The following CHD9 variants were observed in gnomAD, a reference collection of about 807,000 sequenced individuals.
CHD9 encodes chromodomain helicase DNA binding protein 9, also known as ATP-dependent chromatin remodeler CHD9.
Under a neutral mutation model 316.1 loss-of-function variants are expected in CHD9, and 77 were observed. The observed-to-expected ratio is 0.24, with a 90% CI of 0.20 to 0.29. The LOEUF is 0.29. CHD9 is among the 10% of genes least tolerant of loss of function. The probability of loss-of-function intolerance (pLI) is 1.00; values close to 1 mark genes in which losing one functional copy is unlikely to be tolerated. For synonymous variants in CHD9, 1,129 were observed against 1,158.3 expected, an observed-to-expected ratio of 0.97 and a Z score of 0.51; for missense variants, 2,763 against 3,438.1, an observed-to-expected ratio of 0.80 and a Z score of 4.91.
At chr16:53,088,945 C>G (rs1008592154) in intron 1 of CHD9, among the ~76,000 whole-genome samples, 1 of 151,906 alleles carries the variant, frequency 6.6e-6, no homozygotes, top group Non-Finnish European at 1.5e-5. Context: ...AACCCCATCT[C>G]TACTAAAAAT....
chr16:53,151,389 G>A (rs1160345424), intron 1 of CHD9, among the ~76,000 whole-genome samples: 5 of 151,942 alleles, frequency 3.3e-5, no homozygotes, highest in Admixed American at 3.3e-4. Context: ...AAGTAGCTGG[G>A]ATTACAGGCG....
intron 1 of CHD9, among the ~76,000 whole-genome samples, chr16:53,101,273 CTTTTTTTTTT>C (rs1012377760): frequency 2.4e-5 from 3 of 124,856 alleles, no homozygotes; most frequent in Non-Finnish European, 5.0e-5. Flanking sequence ...TTTTCCTTTT[CTTTTTTTTTT>C]TTTTTTTTTG....
intron 11 of CHD9, among the ~76,000 whole-genome samples, chr16:53,236,201 TC>T (rs1370343093): frequency 6.6e-6 from 1 of 152,120 alleles, no homozygotes; most frequent in Non-Finnish European, 1.5e-5. Flanking sequence ...CAGTACCCTT[TC>T]CCATCTCCTA....
intron 30 of CHD9, among the ~76,000 whole-genome samples, chr16:53,302,704 A>G (rs1376293642): frequency 1.3e-5 from 2 of 152,148 alleles, no homozygotes; most frequent in Non-Finnish European, 2.9e-5. Flanking sequence ...TCAGTTATTT[A>G]TTCATATCAG....
At chr16:53,160,767 C>T (rs1180257629) in intron 2 of CHD9, among the ~76,000 whole-genome samples, 7 of 152,080 alleles carry the variant, frequency 4.6e-5, no homozygotes, top group South Asian at 2.1e-4. Flanking sequence ...ATTAGCTGGG[C>T]GTGGTGGCCC....
At chr16:53,215,185 G>A (rs2046649025) in intron 3 of CHD9, among the ~76,000 whole-genome samples, 3 of 152,098 alleles carry the variant, frequency 2.0e-5, no homozygotes, top group Non-Finnish European at 4.4e-5. Context: ...CAAAGTGCTG[G>A]GATTACAGGC....
At chr16:53,203,860 A>G (rs1045804873) in intron 2 of CHD9, among the ~76,000 whole-genome samples, 1 of 151,348 alleles carries the variant, frequency 6.6e-6, no homozygotes, top group African/African-American at 2.4e-5. Context: ...CGTCTCTACT[A>G]AAAATACAAA....
chr16:53,060,911 ATGT>A (rs2032803840), intron 1 of CHD9, among the ~76,000 whole-genome samples: 2 of 141,350 alleles, frequency 1.4e-5, no homozygotes, highest in Non-Finnish European at 3.0e-5. Flanking sequence ...ACAGGGCAAG[ATGT>A]TGTCTCTTTT....
At chr16:53,104,412 G>C (rs1055043261) in intron 1 of CHD9, among the ~76,000 whole-genome samples, 4 of 152,248 alleles carry the variant, frequency 2.6e-5, no homozygotes. Context: ...ACAGCCCCTA[G>C]CTGAAAGCAC....
At chr16:53,122,021 A>T (rs1286821067) in intron 1 of CHD9, 1 of 152,216 alleles carries the variant, frequency 6.6e-6, no homozygotes, top group Non-Finnish European at 1.5e-5. Flanking sequence ...TGGAGCATAA[A>T]ACATTTAAGT....
rs1180238876 is a variant in CHD9, at chr16:53,238,649, C to G, written c.2877+63C>G. On this transcript the variant is annotated intron_variant, in intron 12 of 38. Transcript: ENST00000447540. ...CAGGGCTGAAAAAGATAAGCATTAC[C>G]TACCAATTATTTTCAAATTTAGGAT... 2.0e-6 allele frequency: 3 copies of G among 1,504,416 alleles called. No homozygotes were observed. In the East Asian group the frequency reaches 6.8e-5, roughly 34 times the overall value. The allele number at this position is 1,504,416 out of a possible 1,614,324, so 93.2% of individuals were successfully genotyped here. A position where few individuals can be genotyped will look rare whatever the true frequency, so the allele number is the denominator to read the frequency against.
At chr16:53,211,956 A>G (rs2046366395) in intron 3 of CHD9, among the ~76,000 whole-genome samples, 3 of 152,202 alleles carry the variant, frequency 2.0e-5, no homozygotes. Context: ...CATCATTTCA[A>G]CTAGCACCAT....
intron 34 of CHD9, among the ~76,000 whole-genome samples, chr16:53,310,477 A>C (rs9788952): frequency 1.3e-5 from 2 of 152,110 alleles, no homozygotes; most frequent in African/African-American, 4.8e-5. Context: ...TGAACATTTT[A>C]TTGCTGTTGC....
chr16:53,128,355 T>C (rs913703341), intron 1 of CHD9, among the ~76,000 whole-genome samples: 1 of 152,100 alleles, frequency 6.6e-6, no homozygotes, highest in African/African-American at 2.4e-5. Context: ...GCTAATGTTG[T>C]ATTTTTAGTA....
chr16:53,076,198 G>C (rs2034508554), intron 1 of CHD9, among the ~76,000 whole-genome samples: 1 of 151,922 alleles, frequency 6.6e-6, no homozygotes, highest in Non-Finnish European at 1.5e-5. Context: ...TTCTATTTCT[G>C]GGTTGTCTTT....
At chr16:53,215,625 A>G (rs1430379785) in intron 3 of CHD9, among the ~76,000 whole-genome samples, 1 of 152,162 alleles carries the variant, frequency 6.6e-6, no homozygotes, top group African/African-American at 2.4e-5. Flanking sequence ...ATGTGACATT[A>G]TATTTTTGCC....
In CHD9 at chr16:53,156,474, A is replaced by G. The variant is rs369446814; in HGVS notation, c.385A>G (p.Thr129Ala). 1.9e-5 allele frequency: 31 copies of G among 1,613,866 alleles called. No homozygotes were observed. Among genetic ancestry groups the G allele is most frequent in the Non-Finnish European group, 2.6e-5 (31 of 1,179,888 alleles). Residue 129 changes from threonine to alanine, a missense_variant, in exon 2 of 39, where the codon ACA becomes GCA. Physicochemically the swap from Thr to Ala is moderately conservative, Grantham distance 58 (BLOSUM62 0). Transcript: ENST00000447540. ...TGGCAGTCCAATGTGGGGCCATCAG[A>G]CAGCTACTACCATTTCAAATCAAAA... is the stretch of plus-strand genomic sequence containing the variant. ...SDGSPMWGHQ[T>A]ATTISNQNGS...
At chr16:53,079,828 C>T (rs1339350585) in intron 1 of CHD9, among the ~76,000 whole-genome samples, 2 of 152,196 alleles carry the variant, frequency 1.3e-5, no homozygotes, top group Non-Finnish European at 2.9e-5. Context: ...AGCATGGAAG[C>T]TCTGTCTAGC....
chr16:53,113,053 G>A (rs2037990481), intron 1 of CHD9, among the ~76,000 whole-genome samples: 1 of 152,068 alleles, frequency 6.6e-6, no homozygotes, highest in African/African-American at 2.4e-5. Flanking sequence ...GCTTGGTGGT[G>A]TGTGACTAGT....
Sources: allele counts gnomAD v4.1 joint callset (sites outside exome capture counted in the v4.1 genomes callset), GRCh38; gene constraint gnomAD v4.1.1; transcripts MANE v1.5; gene names NCBI Gene and HGNC (gene_info 2026-07-23, HGNC 2026-07-21).